Variants in KLF12 observed in about 807,000 individuals in gnomAD.
KLF12 encodes the protein KLF transcription factor 12, also known as Krueppel-like factor 12.
A neutral mutation model predicts 37.8 loss-of-function variants in KLF12; 9 were observed. That is an observed-to-expected ratio of 0.24 (90% CI 0.14 to 0.42). The LOEUF is 0.42. KLF12 is among the 10% of genes least tolerant of loss of function. The pLI, the probability that KLF12 is intolerant of heterozygous loss-of-function variation, is 1.00. For synonymous variants in KLF12, 208 were observed against 202.1 expected (o/e 1.03, Z -0.25); for missense variants, 411 against 516.0 (o/e 0.80, Z 1.97).
At chr13:74,084,566 G>A (rs1875141397) in intron 1 of KLF12, among the ~76,000 whole-genome samples, 1 of 152,178 alleles carries the variant, frequency 6.6e-6, no homozygotes, top group Non-Finnish European at 1.5e-5. Flanking sequence ...TAGTTTGTGG[G>A]AACACTGGCT....
intron 2 of KLF12, among the ~76,000 whole-genome samples, chr13:73,988,243 A>AT (rs1555331660): frequency 1.3e-5 from 2 of 152,214 alleles, no homozygotes; most frequent in African/African-American, 4.8e-5. Context: ...GGCTGCTCCC[A>AT]TTTCTTACAG....
the KLF12 span, among the ~76,000 whole-genome samples, chr13:74,171,876 T>C: frequency 6.6e-5 from 10 of 152,204 alleles, no homozygotes; most frequent in Admixed American, 3.9e-4. Context: ...TAGTGTATAA[T>C]AGAACCTGAG....
chr13:73,970,357 GTTTT>G (rs34226117), intron 2 of KLF12, among the ~76,000 whole-genome samples: 2 of 144,572 alleles, frequency 1.4e-5, no homozygotes, highest in Admixed American at 1.4e-4. Context: ...ACTGGTGCTG[GTTTT>G]TTTTTTTTTA....
At chr13:73,807,021 T>C (rs1332970400) in intron 5 of KLF12, among the ~76,000 whole-genome samples, 1 of 151,984 alleles carries the variant, frequency 6.6e-6, no homozygotes, top group East Asian at 1.9e-4. Flanking sequence ...AAATTAAGAA[T>C]TATGGCCGGG....
intron 6 of KLF12, among the ~76,000 whole-genome samples, chr13:73,726,872 C>T (rs11840497): frequency 0.15 from 23,541 of 152,148 alleles, 3,032 homozygotes; most frequent in African/African-American, 0.35. Context: ...CAGACTGTTT[C>T]CTAAAGTGGT....
chr13:74,183,390 T>A, the KLF12 span, among the ~76,000 whole-genome samples: 1 of 152,156 alleles, frequency 6.6e-6, no homozygotes, highest in South Asian at 2.1e-4. Flanking sequence ...CTCATATCAC[T>A]GACAGAGCTG....
At chr13:73,702,780 G>C (rs1874656860) in intron 7 of KLF12, among the ~76,000 whole-genome samples, 1 of 151,930 alleles carries the variant, frequency 6.6e-6, no homozygotes, top group Non-Finnish European at 1.5e-5. Context: ...TTGCATATGA[G>C]GAAAAAAACA....
At chr13:73,779,843 T>C (rs1405733258) in intron 5 of KLF12, among the ~76,000 whole-genome samples, 2 of 152,224 alleles carry the variant, frequency 1.3e-5, no homozygotes, top group Non-Finnish European at 2.9e-5. Context: ...AATTGGAGAA[T>C]ACATTTCATG....
chr13:73,809,113 C>T (rs1043105536), intron 5 of KLF12, among the ~76,000 whole-genome samples: 10 of 152,202 alleles, frequency 6.6e-5, no homozygotes, highest in African/African-American at 2.4e-4. Flanking sequence ...TAGAAAACTT[C>T]TGATTTTATC....
chr13:74,215,255 A>G, the KLF12 span, among the ~76,000 whole-genome samples: 3 of 151,586 alleles, frequency 2.0e-5, no homozygotes, highest in South Asian at 2.1e-4. Context: ...ATGTTTTCTG[A>G]TAGAATTTCT....
At chr13:74,136,873 TC>T (rs1878573591), upstream of KLF12, among the ~76,000 whole-genome samples, 1 of 152,082 alleles carries the variant, frequency 6.6e-6, no homozygotes, top group Non-Finnish European at 1.5e-5. Flanking sequence ...TAAGGCAACT[TC>T]CTAGCTATGA....
chr13:74,047,846 T>A (rs1235106409), intron 1 of KLF12, among the ~76,000 whole-genome samples: 1 of 152,184 alleles, frequency 6.6e-6, no homozygotes, highest in Non-Finnish European at 1.5e-5. Flanking sequence ...AGTTAGTGTA[T>A]CATTTAAGAT....
At chr13:73,812,383 T>TCA (rs1882984982) in intron 5 of KLF12, among the ~76,000 whole-genome samples, 2 of 66,100 alleles carry the variant, frequency 3.0e-5, no homozygotes. Flanking sequence ...TTATGCATTC[T>TCA]CACAAAAAAA....
intron 6 of KLF12, among the ~76,000 whole-genome samples, chr13:73,718,892 CAA>C (rs1385371944): frequency 6.6e-6 from 1 of 151,424 alleles, no homozygotes; most frequent in East Asian, 1.9e-4. Context: ...AGACCTGTCT[CAA>C]AAAAAGAGTT....
intron 4 of KLF12, among the ~76,000 whole-genome samples, chr13:73,837,867 T>C (rs926438096): frequency 2.0e-5 from 3 of 152,170 alleles, no homozygotes; most frequent in Non-Finnish European, 2.9e-5. Flanking sequence ...ACTTCACACA[T>C]AATCACAGGT....
At chr13:74,203,844 T>C in the KLF12 span, among the ~76,000 whole-genome samples, 176 of 152,198 alleles carry the variant, frequency 1.2e-3, 1 homozygote, top group African/African-American at 4.1e-3. Flanking sequence ...AGTTTGCCAA[T>C]TTGTAAGACA....
chr13:74,284,369 C>T, the KLF12 span, among the ~76,000 whole-genome samples: 50 of 152,158 alleles, frequency 3.3e-4, 1 homozygote, highest in South Asian at 5.2e-3. Context: ...TGAAGGGGGA[C>T]GTGAGAGTGT....
chr13:74,095,801 CTAT>C (rs1875949728), intron 1 of KLF12, among the ~76,000 whole-genome samples: 1 of 152,176 alleles, frequency 6.6e-6, no homozygotes, highest in African/African-American at 2.4e-5. Context: ...ATTTGGGTTA[CTAT>C]TTTGAATACT....
chr13:74,275,687 G>A, the KLF12 span, among the ~76,000 whole-genome samples: 1 of 149,074 alleles, frequency 6.7e-6, no homozygotes, highest in African/African-American at 2.5e-5. Flanking sequence ...GGGTATTTTT[G>A]TTTGTATATA....
Sources: allele counts gnomAD v4.1 joint callset (sites outside exome capture counted in the v4.1 genomes callset), GRCh38; gene constraint gnomAD v4.1.1; transcripts MANE v1.5; gene names NCBI Gene and HGNC (gene_info 2026-07-23, HGNC 2026-07-21).